SCHIP1: variants seen among roughly 807,000 people sequenced by gnomAD.
SCHIP1 encodes schwannomin-interacting protein 1.
In SCHIP1, 8 loss-of-function variants were observed where a neutral mutation model predicts 29.7. The observed-to-expected ratio is 0.27, with a 90% CI of 0.16 to 0.49. The LOEUF is 0.49. Ranked by LOEUF, SCHIP1 falls within the 20% of genes least tolerant of loss-of-function variation. The pLI, the probability that SCHIP1 is intolerant of heterozygous loss-of-function variation, is 0.99. For missense variants in SCHIP1, 193 were observed against 294.6 expected (o/e 0.66, Z 2.52); for synonymous variants, 76 against 94.9 (o/e 0.80, Z 1.16).
the SCHIP1 span, among the ~76,000 whole-genome samples, chr3:159,400,313 C>G: frequency 1.3e-5 from 2 of 152,118 alleles, no homozygotes; most frequent in Non-Finnish European, 2.9e-5. Flanking sequence ...GAGTATTCAC[C>G]TATGATAATT....
the SCHIP1 span, among the ~76,000 whole-genome samples, chr3:159,780,587 G>A: frequency 6.6e-6 from 1 of 152,196 alleles, no homozygotes; most frequent in African/African-American, 2.4e-5. Flanking sequence ...CACACCAAGT[G>A]AAAGAGATGT....
chr3:159,496,914 A>T, the SCHIP1 span, among the ~76,000 whole-genome samples: 4 of 152,250 alleles, frequency 2.6e-5, no homozygotes, highest in African/African-American at 9.6e-5. Flanking sequence ...TGCATGGAAT[A>T]CTATGCAGCC....
In SCHIP1 at chr3:159,892,205, A is replaced by G; in HGVS notation, c.683+15A>G. The G allele has an allele frequency of 6.2e-7, 1 of 1,613,990 alleles. No individual in the cohort carries two copies. The highest frequency in any genetic ancestry group is 8.5e-7 in the Non-Finnish European group (1 of 1,179,980). ...GACTTGACCAGGTCAGTGTGGCTTC[A>G]CTCTTGCCAAAGAAGAAAAGCCCAG... On this transcript the variant is annotated intron_variant, in intron 6 of 6. Coordinates refer to ENST00000445224, the Ensembl canonical transcript of SCHIP1.
At chr3:159,853,732 A>G (rs1054655915) in intron 1 of SCHIP1, among the ~76,000 whole-genome samples, 3 of 152,264 alleles carry the variant, frequency 2.0e-5, no homozygotes, top group Non-Finnish European at 4.4e-5. Flanking sequence ...ACTGCTAGGC[A>G]GGCTTTTTAT....
chr3:159,652,568 GTAA>G, the SCHIP1 span, among the ~76,000 whole-genome samples: 248 of 152,268 alleles, frequency 1.6e-3, 6 homozygotes, highest in South Asian at 0.05. Context: ...AAGCGGATAT[GTAA>G]ACAAGACAAT....
the SCHIP1 span, among the ~76,000 whole-genome samples, chr3:159,500,335 A>G: frequency 6.6e-6 from 1 of 152,102 alleles, no homozygotes; most frequent in African/African-American, 2.4e-5. Context: ...TATATTGTTG[A>G]CATTCCTTAA....
At chr3:159,615,565 G>C in the SCHIP1 span, among the ~76,000 whole-genome samples, 1 of 152,184 alleles carries the variant, frequency 6.6e-6, no homozygotes, top group East Asian at 1.9e-4. Context: ...GGACTGAGAA[G>C]TCCCATTGGC....
chr3:159,374,834 G>A, the SCHIP1 span, among the ~76,000 whole-genome samples: 1 of 152,126 alleles, frequency 6.6e-6, no homozygotes, highest in Admixed American at 6.6e-5. Context: ...CCAGTCTGGT[G>A]GCCATTAGCC....
intron 1 of SCHIP1, chr3:159,840,326 G>A: frequency 2.2e-6 from 2 of 917,370 alleles, no homozygotes; most frequent in Non-Finnish European, 3.4e-6. Context: ...GCCATCTTCC[G>A]CGCCTGGCCT....
At chr3:159,803,177 A>ATGTGTG in the SCHIP1 span, among the ~76,000 whole-genome samples, 9 of 150,646 alleles carry the variant, frequency 6.0e-5, no homozygotes, top group African/African-American at 1.9e-4. Context: ...AAAGGTGTGT[A>ATGTGTG]TGTGTGTGTG....
the SCHIP1 span, among the ~76,000 whole-genome samples, chr3:159,544,880 A>G: frequency 3.3e-5 from 5 of 152,124 alleles, no homozygotes; most frequent in Admixed American, 3.3e-4. Context: ...CTTTTCATAT[A>G]TGGTATCTTT....
chr3:159,636,596 CCTTT>C, the SCHIP1 span, among the ~76,000 whole-genome samples: 2 of 152,154 alleles, frequency 1.3e-5, no homozygotes, highest in African/African-American at 4.8e-5. Context: ...CCGCTGTTTT[CCTTT>C]CTTAATTTAA....
chr3:159,382,439 A>C, the SCHIP1 span, among the ~76,000 whole-genome samples: 1 of 151,414 alleles, frequency 6.6e-6, no homozygotes, highest in Non-Finnish European at 1.5e-5. Flanking sequence ...ACATGAACTC[A>C]TCATTTTTTA....
At chr3:159,589,076 A>T in the SCHIP1 span, among the ~76,000 whole-genome samples, 1 of 152,128 alleles carries the variant, frequency 6.6e-6, no homozygotes, top group Non-Finnish European at 1.5e-5. Flanking sequence ...TTTTCACAAC[A>T]TTGATTCTTC....
At chr3:159,367,205 C>A in the SCHIP1 span, among the ~76,000 whole-genome samples, 8 of 152,090 alleles carry the variant, frequency 5.3e-5, no homozygotes, top group African/African-American at 1.7e-4. Context: ...CCAGCCTGAC[C>A]AACGTGGAGA....
At chr3:159,413,065 G>C in the SCHIP1 span, among the ~76,000 whole-genome samples, 2 of 152,310 alleles carry the variant, frequency 1.3e-5, no homozygotes, top group East Asian at 3.9e-4. Context: ...GCAGGAGAGA[G>C]AAGTGCAGAG....
At chr3:159,763,934 CG>C in the SCHIP1 span, 1 of 147,514 alleles carries the variant, frequency 6.8e-6, no homozygotes, top group Non-Finnish European at 1.5e-5. Context: ...CAGCCGCGGG[CG>C]GGGAAGGGGC....
At chr3:159,298,275 G>T in the SCHIP1 span, among the ~76,000 whole-genome samples, 1 of 152,078 alleles carries the variant, frequency 6.6e-6, no homozygotes, top group Non-Finnish European at 1.5e-5. Flanking sequence ...TCCTGCCTTT[G>T]CTCACCTTAC....
At chr3:159,884,402 T>C (rs1156235275) in intron 2 of SCHIP1, among the ~76,000 whole-genome samples, 1 of 151,768 alleles carries the variant, frequency 6.6e-6, no homozygotes, top group Non-Finnish European at 1.5e-5. Flanking sequence ...TATGTATGTA[T>C]GTATATCCAA....
Sources: allele counts gnomAD v4.1 joint callset (sites outside exome capture counted in the v4.1 genomes callset), GRCh38; gene constraint gnomAD v4.1.1; transcripts MANE v1.5; gene names NCBI Gene and HGNC (gene_info 2026-07-23, HGNC 2026-07-21).